Variants in THSD4 observed in about 807,000 individuals in gnomAD.
The protein encoded by THSD4 is thrombospondin type-1 domain-containing protein 4.
THSD4 carries 69 observed loss-of-function variants against 119.0 expected under a neutral mutation model. The observed-to-expected ratio is 0.58, with a 90% CI of 0.48 to 0.71. The LOEUF is 0.71. Ranked by LOEUF, THSD4 falls within the 30% of genes least tolerant of loss-of-function variation. The pLI is 0.00. For missense variants in THSD4, 1,393 were observed against 1,391.1 expected (o/e 1.00, Z -0.02); for synonymous variants, 524 against 540.4 (o/e 0.97, Z 0.42).
chr15:71,355,483 C>T (rs1317874093), intron 6 of THSD4, among the ~76,000 whole-genome samples: 1 of 152,174 alleles, frequency 6.6e-6, no homozygotes, highest in Non-Finnish European at 1.5e-5. Flanking sequence ...TGTTGCATTT[C>T]CCTATCTACC....
chr15:71,509,238 G>A (rs888127267), intron 7 of THSD4, among the ~76,000 whole-genome samples: 4 of 152,170 alleles, frequency 2.6e-5, no homozygotes, highest in African/African-American at 9.7e-5. Context: ...TGCTGTGAAT[G>A]CAGTGCATTC....
chr15:71,764,346 C>T (rs2053678335), intron 15 of THSD4, among the ~76,000 whole-genome samples: 1 of 152,232 alleles, frequency 6.6e-6, no homozygotes, highest in African/African-American at 2.4e-5. Flanking sequence ...CAGTTGTATG[C>T]ATTTTATTTC....
intron 6 of THSD4, among the ~76,000 whole-genome samples, chr15:71,409,155 TCC>T (rs5813630): frequency 0.22 from 31,865 of 145,000 alleles, 3,828 homozygotes; most frequent in African/African-American, 0.3. Flanking sequence ...CTTTTTTTTT[TCC>T]CCCCCCCTCA....
At chr15:71,452,801 G>GA (rs1237671905) in intron 7 of THSD4, among the ~76,000 whole-genome samples, 2 of 152,108 alleles carry the variant, frequency 1.3e-5, no homozygotes, top group South Asian at 4.1e-4. Flanking sequence ...TTTTAGTAGA[G>GA]ACGGGGTTTC....
chr15:71,625,732 C>T (rs1431502577), intron 7 of THSD4, among the ~76,000 whole-genome samples: 2 of 152,016 alleles, frequency 1.3e-5, no homozygotes, highest in Non-Finnish European at 2.9e-5. Flanking sequence ...ATATTCCAAG[C>T]ACTGTGCTCA....
chr15:71,631,910 C>T (rs1214605492), intron 7 of THSD4, among the ~76,000 whole-genome samples: 1 of 152,154 alleles, frequency 6.6e-6, no homozygotes, highest in Non-Finnish European at 1.5e-5. Flanking sequence ...TCCTGTAGCA[C>T]GGAAATTAGG....
At chr15:71,676,632 C>A in intron 8 of THSD4, among the ~76,000 whole-genome samples, 1 of 152,188 alleles carries the variant, frequency 6.6e-6, no homozygotes, top group East Asian at 1.9e-4. Flanking sequence ...TAGCCCCCTT[C>A]TTTCCCCGTC....
In THSD4 at chr15:71,108,199, G is replaced by GC. The variant is rs2040282025; in HGVS notation, c.-80+11193_-80+11194insC. Among the ~76,000 whole-genome samples, 3 of 152,312 alleles carry GC rather than the reference G, an allele frequency of 2.0e-5. No homozygotes were observed. The South Asian group carries it at 6.2e-4, about 32-fold the overall frequency. On this transcript the variant is annotated intron_variant, in intron 1 of 17. Coordinates refer to the THSD4 transcript ENST00000355327. ...GGGCCTGGAGGTGGGAGCTGTCCCA[G>GC]TGCTATGGAAGAAATGCTTCTCAGG...
chr15:71,613,754 CTG>C (rs1044907669), intron 7 of THSD4, among the ~76,000 whole-genome samples: 125 of 152,312 alleles, frequency 8.2e-4, no homozygotes, highest in African/African-American at 2.8e-3. Context: ...ATGCAGAACT[CTG>C]TACTCCAATA....
rs1235093879 is a variant in THSD4 at position 71,589,638 on chromosome 15, A to G, written c.1153-70892A>G. On this transcript the variant is annotated intron_variant, in intron 7 of 17. Transcript: ENST00000261862. ...CTCCCAAAGTGCTGATATTACAGGC[A>G]TGAGCCACTACACTTGGCCTAAAAT... Among the ~76,000 whole-genome samples, 2 of 139,764 alleles carry G rather than the reference A, an allele frequency of 1.4e-5. 1 individual carries two copies. The highest frequency in any genetic ancestry group is 3.3e-5 in the Non-Finnish European group (2 of 61,344). 91.7% of individuals were successfully genotyped at this position (139,764 alleles called of 152,430 possible).
At position 71,511,079 on chromosome 15, in the gene THSD4, A is replaced by G. The variant is rs114051101; in HGVS notation, c.1152+99256A>G. On this transcript the variant is annotated intron_variant, in intron 7 of 17. Coordinates refer to ENST00000261862, the MANE Select transcript of THSD4 (RefSeq NM_024817.3). ...AAGGGTCAAGGGGAGAAGTCTGAGT[A>G]CAGAGCAAGATAAAGAAAATGTGGC... Among the ~76,000 whole-genome samples, 657 of 152,288 alleles carry G rather than the reference A, an allele frequency of 4.3e-3. 4 individuals are homozygous for G. Among genetic ancestry groups the G allele is most frequent in the African/African-American group, 0.015 (633 of 41,560 alleles).
intron 8 of THSD4, among the ~76,000 whole-genome samples, chr15:71,677,302 G>A (rs1234385026): frequency 6.6e-6 from 1 of 152,224 alleles, no homozygotes. Flanking sequence ...GCTGGTAGAT[G>A]AGGAAAGTGA....
At chr15:71,730,782 A>G in intron 9 of THSD4, 1 of 279,836 alleles carries the variant, frequency 3.6e-6, no homozygotes, top group Non-Finnish European at 7.1e-6. Flanking sequence ...ACACGTATTT[A>G]TCTGTGTTGG....
chr15:71,457,970 G>A (rs1365215301), intron 7 of THSD4, among the ~76,000 whole-genome samples: 5 of 152,188 alleles, frequency 3.3e-5, no homozygotes, highest in African/African-American at 1.2e-4. Flanking sequence ...GAAGTCAGGG[G>A]ATCTGTGATA....
intron 7 of THSD4, among the ~76,000 whole-genome samples, chr15:71,463,119 G>A (rs951862857): frequency 9.2e-5 from 14 of 152,130 alleles, no homozygotes; most frequent in Non-Finnish European, 1.2e-4. Context: ...GAACCTAAAT[G>A]AAAGACTTCA....
chr15:71,132,901 A>G (rs1279772227), intron 1 of THSD4, among the ~76,000 whole-genome samples: 4 of 152,262 alleles, frequency 2.6e-5, no homozygotes, highest in Non-Finnish European at 5.9e-5. Flanking sequence ...TGTATTGGAA[A>G]GCAGGAAGGA....
intron 6 of THSD4, among the ~76,000 whole-genome samples, chr15:71,329,223 T>G (rs11856837): frequency 1.3e-4 from 19 of 151,934 alleles, no homozygotes; most frequent in African/African-American, 4.6e-4. Context: ...TATCCATCAT[T>G]ATGGGAGGAA....
intron 1 of THSD4, among the ~76,000 whole-genome samples, chr15:71,101,377 T>C (rs1461376300): frequency 6.6e-6 from 1 of 152,248 alleles, no homozygotes; most frequent in Non-Finnish European, 1.5e-5. Context: ...CCTGTTTACG[T>C]AGTCATCATA....
intron 8 of THSD4, among the ~76,000 whole-genome samples, chr15:71,694,206 G>T (rs2141057485): frequency 6.6e-6 from 1 of 152,226 alleles, no homozygotes; most frequent in African/African-American, 2.4e-5. Context: ...CTATGTTCTG[G>T]TGGCTTTATC....
Sources: gnomAD v4.1 joint callset for allele counts (sites outside exome capture counted in the v4.1 genomes callset) on GRCh38, gnomAD v4.1.1 for gene constraint, MANE v1.5 for transcripts, NCBI Gene and HGNC (gene_info 2026-07-23, HGNC 2026-07-21) for gene names.